Variants in PCDHA1 observed in about 807,000 individuals in gnomAD.
PCDHA1 encodes protocadherin alpha-1.
In PCDHA1, 42 loss-of-function variants were observed where a neutral mutation model predicts 61.3. That is an observed-to-expected ratio of 0.69 (90% CI 0.54 to 0.89). The LOEUF (loss-of-function observed/expected upper bound fraction) is 0.89. Ranked by LOEUF, PCDHA1 falls within the 40% of genes least tolerant of loss-of-function variation. PCDHA1 has a pLI of 0.00. For synonymous variants in PCDHA1, 610 were observed against 553.8 expected (o/e 1.10, Z -1.43); for missense variants, 1,256 against 1,235.3 (o/e 1.02, Z -0.25).
chr5:140,975,244 A>G (rs934948446), intron 1 of PCDHA1, among the ~76,000 whole-genome samples: 6 of 152,120 alleles, frequency 3.9e-5, no homozygotes. Flanking sequence ...AATCCCTCTT[A>G]TGCTTCAGAT....
chr5:140,858,263 T>C lies in PCDHA1; in HGVS notation c.2394+69579T>C, dbSNP rs781901851. ...TGGGCCGGTGAAGCCCACGCTGGTGTGCTCTAGCGCGGTGGGGAGCTGGTC... is the reference window on the plus strand; with the variant it reads ...TGGGCCGGTGAAGCCCACGCTGGTGCGCTCTAGCGCGGTGGGGAGCTGGTC... On this transcript the variant is annotated intron_variant, in intron 1 of 3. Transcript: ENST00000504120. 2.5e-6 allele frequency: 4 copies of C among 1,596,360 alleles called. No homozygotes were observed. The African/African-American group carries it at 4.0e-5, about 16-fold the overall frequency.
chr5:140,842,636 G>A, intron 1 of PCDHA1: 2 of 1,591,718 alleles, frequency 1.3e-6, no homozygotes, highest in South Asian at 1.1e-5. Flanking sequence ...GTGGGCCACC[G>A]CCAGCTTGTC....
intron 1 of PCDHA1, chr5:140,843,382 G>C: frequency 6.3e-7 from 1 of 1,596,126 alleles, no homozygotes; most frequent in Non-Finnish European, 8.6e-7. Flanking sequence ...CTGGCGTTTT[G>C]GGTCCGGAAG....
At chr5:140,794,342 G>A (rs546985713) in intron 1 of PCDHA1, among the ~76,000 whole-genome samples, 2 of 152,326 alleles carry the variant, frequency 1.3e-5, no homozygotes, top group Admixed American at 1.3e-4. Context: ...GCTACAACAT[G>A]GATGAACCTT....
At chr5:140,995,963 A>G (rs2097706042) in intron 3 of PCDHA1, among the ~76,000 whole-genome samples, 1 of 152,234 alleles carries the variant, frequency 6.6e-6, no homozygotes, top group Non-Finnish European at 1.5e-5. Context: ...AATGCTTAGA[A>G]CCATGCTTAG....
At chr5:140,967,618 G>T in intron 1 of PCDHA1, 3 of 1,614,174 alleles carry the variant, frequency 1.9e-6, no homozygotes, top group Non-Finnish European at 2.5e-6. Context: ...CCTCAGACCC[G>T]GATGAGGGCT....
chr5:140,958,015 C>A (rs573406509), intron 1 of PCDHA1, among the ~76,000 whole-genome samples: 1 of 151,796 alleles, frequency 6.6e-6, no homozygotes, highest in Non-Finnish European at 1.5e-5. Context: ...TTCTATCAGC[C>A]AAGTATACTA....
chr5:140,888,088 C>G (rs941828532), intron 1 of PCDHA1, among the ~76,000 whole-genome samples: 3 of 151,906 alleles, frequency 2.0e-5, no homozygotes, highest in African/African-American at 4.8e-5. Flanking sequence ...ACATTTTTGT[C>G]CTTAGTTTGC....
At chr5:140,863,489 C>A in intron 1 of PCDHA1, 1 of 450,994 alleles carries the variant, frequency 2.2e-6, no homozygotes, top group Non-Finnish European at 4.4e-6. Flanking sequence ...CCAAGGTCAA[C>A]ATTACGGCTT....
At chr5:140,945,481 C>T (rs269552) in intron 1 of PCDHA1, among the ~76,000 whole-genome samples, 33,891 of 151,742 alleles carry the variant, frequency 0.22, 4,873 homozygotes, top group African/African-American at 0.41. Flanking sequence ...ACAAAACACC[C>T]CAAATACCCA....
intron 1 of PCDHA1, chr5:140,823,320 G>A (rs2150124673): frequency 2.5e-6 from 4 of 1,612,172 alleles, no homozygotes; most frequent in South Asian, 1.1e-5. Context: ...AGAGCGGCAA[G>A]GTGTACGCGC....
intron 1 of PCDHA1, among the ~76,000 whole-genome samples, chr5:140,946,611 A>AATATATATATATATATATATAT (rs1554217734): frequency 0.012 from 1,017 of 86,324 alleles, 26 homozygotes; most frequent in Middle Eastern, 0.016. Flanking sequence ...GAAAATGTGA[A>AATATATATATATATATATATAT]ATATATATAT....
chr5:140,972,660 ATTTTTTTTT>A (rs11350929), intron 1 of PCDHA1, among the ~76,000 whole-genome samples: 1 of 117,268 alleles, frequency 8.5e-6, no homozygotes, highest in Non-Finnish European at 1.7e-5. Flanking sequence ...AAGAAACCAA[ATTTTTTTTT>A]TTTTTTTTTT....
chr5:140,888,945 T>G (rs2062037344), intron 1 of PCDHA1, among the ~76,000 whole-genome samples: 1 of 152,102 alleles, frequency 6.6e-6, no homozygotes, highest in African/African-American at 2.4e-5. Context: ...GAGGTATAAA[T>G]TTTTTCTTTG....
intron 1 of PCDHA1, chr5:140,835,897 C>T (rs2150247732): frequency 2.5e-6 from 4 of 1,612,078 alleles, no homozygotes; most frequent in Non-Finnish European, 3.4e-6. Context: ...CGCGCGCTGT[C>T]GAGCTACGTG....
intron 1 of PCDHA1, chr5:140,842,985 T>G (rs1322607138): frequency 1.3e-6 from 2 of 1,594,870 alleles, no homozygotes; most frequent in Non-Finnish European, 1.7e-6. Flanking sequence ...CAGGTGTTCG[T>G]GCTGGACGAG....
At chr5:140,802,305 G>A (rs1290587407) in intron 1 of PCDHA1, 2 of 1,614,200 alleles carry the variant, frequency 1.2e-6, no homozygotes. Context: ...CACAGTCATC[G>A]CTCTGATCAG....
At chr5:140,978,726 T>C (rs1453953300) in intron 1 of PCDHA1, among the ~76,000 whole-genome samples, 2 of 152,250 alleles carry the variant, frequency 1.3e-5, no homozygotes, top group African/African-American at 4.8e-5. Flanking sequence ...TTATTAAATC[T>C]GGTCTTCCAG....
intron 1 of PCDHA1, among the ~76,000 whole-genome samples, chr5:140,827,665 TA>T (rs1400072267): frequency 9.8e-5 from 15 of 152,360 alleles, no homozygotes; most frequent in African/African-American, 3.4e-4. Context: ...GCAGTTCCGT[TA>T]ACACTTAAAT....
Sources: gnomAD v4.1 joint callset for allele counts (sites outside exome capture counted in the v4.1 genomes callset) on GRCh38, gnomAD v4.1.1 for gene constraint, MANE v1.5 for transcripts, NCBI Gene and HGNC (gene_info 2026-07-23, HGNC 2026-07-21) for gene names.